Variants in MAPKAPK2 observed in about 807,000 individuals in gnomAD.
The protein encoded by MAPKAPK2 is MAP kinase-activated protein kinase 2.
MAPKAPK2 carries 9 observed loss-of-function variants against 48.8 expected under a neutral mutation model. That is an observed-to-expected ratio of 0.18 (90% CI 0.11 to 0.32). The LOEUF is 0.32. Among genes scored for constraint, MAPKAPK2 ranks in the 10% least tolerant of loss-of-function variants. MAPKAPK2 has a pLI of 1.00. For missense variants in MAPKAPK2, 331 were observed against 498.3 expected (o/e 0.66, Z 3.20); for synonymous variants, 202 against 190.6 (o/e 1.06, Z -0.49).
At chr1:206,730,609 G>A in intron 5 of MAPKAPK2, 79 bp from the exon 6 acceptor site, 1 of 1,244,776 alleles carries the variant, frequency 8.0e-7, no homozygotes, top group South Asian at 1.2e-5. Flanking sequence ...GTTGGGATGG[G>A]GAGCATCTTT....
At chr1:206,690,177 GT>G (rs1206263944) in intron 1 of MAPKAPK2, among the ~76,000 whole-genome samples, 1 of 152,228 alleles carries the variant, frequency 6.6e-6, no homozygotes, top group Non-Finnish European at 1.5e-5. Flanking sequence ...GTCAAAAAAG[GT>G]TAGGAATCAT....
rs1181406580 is a variant in MAPKAPK2 at position 206,685,666 on chromosome 1, GCGGGCGGCGGGT to G, written c.279+160_279+171del. Among the ~76,000 whole-genome samples, 5 of 147,218 alleles carry G rather than the reference GCGGGCGGCGGGT, an allele frequency of 3.4e-5. No individual in the cohort carries two copies. The East Asian group carries it at 1.0e-3, about 29-fold the overall frequency. ...CCGGGCCGGCGGTGCCGAGTGCGGC[GCGGGCGGCGGGT>G]CCCAGCGCCCTCGCCTCCCTGACCG... On this transcript the variant is annotated intron_variant, in intron 1 of 9. Coordinates refer to ENST00000367103, the MANE Select transcript of MAPKAPK2 (RefSeq NM_032960.4).
In MAPKAPK2 at chr1:206,729,043, G is replaced by A. The variant is rs1311181554; in HGVS notation, c.428G>A (p.Gly143Asp). 1 of 1,614,114 alleles carries A rather than the reference G, an allele frequency of 6.2e-7. No homozygotes were observed. Among genetic ancestry groups the A allele is most frequent in the Non-Finnish European group, 8.5e-7 (1 of 1,180,044 alleles). ...CTGTGGCTTCATTTCAGTTTGGACG[G>A]TGGAGAACTCTTTAGCCGAATCCAG... ...CLLIVMECLD[G>D]GELFSRIQDR... Residue 143 changes from glycine to aspartate, a missense_variant, in exon 3 of 10, where the codon GGT (glycine) becomes GAT (aspartate). By Grantham distance (94) the Gly-to-Asp change is moderately conservative. Around this residue, in one of 4 missense-constraint regions of MAPKAPK2, gnomAD observed 111 missense variants for 193.6 expected, o/e 0.57. Transcript: ENST00000367103.
Position 206,732,672 on chromosome 1 carries a change from G to A in MAPKAPK2, c.1157G>A (p.Arg386Lys). ...EDASNPLLLK[R>K]RKKARALEAA... The stretch of plus-strand genomic sequence containing the variant: ...GCATCCAACCCTCTGCTGCTGAAGA[G>A]GCGGAAGAAAGCTCGGGCCCTGGAG... Residue 386 changes from arginine to lysine, a missense_variant, in exon 10 of 10, where the codon AGG becomes AAG. Around this residue, in one of 4 missense-constraint regions of MAPKAPK2, gnomAD observed 124 missense variants for 194.6 expected, o/e 0.64. Coordinates refer to ENST00000367103, the MANE Select transcript of MAPKAPK2 (RefSeq NM_032960.4). The surrounding 1 kb of genome is among the most constrained non-coding windows in gnomAD (Gnocchi z 4.4). 1 of 1,614,242 alleles carries A rather than the reference G, an allele frequency of 6.2e-7. No individual in the cohort carries two copies. The highest frequency in any genetic ancestry group is 1.1e-5 in the South Asian group (1 of 91,084).
rs201738851 is a variant in MAPKAPK2 at position 206,720,025 on chromosome 1, TC to T, written c.280-8683del. Reference sequence around the variant, plus strand: ...CCAGTGTGTGGCACATGCTAGGCACTCCGGGGTTTCACTGAGTGATCCATTC... The same window carrying T: ...CCAGTGTGTGGCACATGCTAGGCACTCGGGGTTTCACTGAGTGATCCATTC... On this transcript the variant is annotated intron_variant, in intron 1 of 9. Transcript: ENST00000367103. 9.8e-3 allele frequency among the ~76,000 whole-genome samples: 1,500 copies of T among 152,342 alleles called. 20 individuals are homozygous for T. The highest frequency in any genetic ancestry group is 0.035 in the African/African-American group (1,454 of 41,576).
At position 206,732,399 on chromosome 1, in the gene MAPKAPK2, G is replaced by C; in HGVS notation, c.1060-176G>C. The stretch of plus-strand genomic sequence containing the variant: ...AGGCTCTCTGCTGCCCAGCGCTGGG[G>C]TGAGGCTGCCGTTGTCAGCGTGGAC... On this transcript the variant is annotated intron_variant, in intron 9 of 9. Coordinates refer to ENST00000367103, the MANE Select transcript of MAPKAPK2 (RefSeq NM_032960.4). This position sits in a 1 kb window ranked among gnomAD's most constrained non-coding sequence, Gnocchi z 4.4. The C allele has an allele frequency of 6.9e-7, 1 of 1,455,710 alleles. No individual in the cohort carries two copies. Among genetic ancestry groups the C allele is most frequent in the Non-Finnish European group, 9.1e-7 (1 of 1,103,502 alleles). 90.2% of individuals were successfully genotyped at this position (1,455,710 alleles called of 1,614,324 possible).
chr1:206,731,782 G>T lies in MAPKAPK2; in HGVS notation c.978+57G>T. The T allele has an allele frequency of 6.2e-7, 1 of 1,611,900 alleles. No homozygotes were observed. Among genetic ancestry groups the T allele is most frequent in the Non-Finnish European group, 8.5e-7 (1 of 1,177,976 alleles). ...TCACGGGACTATTCCACAGGACAGA[G>T]TCTTAGCCAGGACCCTACCCCAGGC... is the stretch of plus-strand genomic sequence containing the variant. On this transcript the variant is annotated intron_variant, in intron 8 of 9. Coordinates refer to ENST00000367103, the MANE Select transcript of MAPKAPK2 (RefSeq NM_032960.4). The surrounding 1 kb of genome is among the most constrained non-coding windows in gnomAD (Gnocchi z 5.9).
At chr1:206,695,927 G>A (rs1225785204) in intron 1 of MAPKAPK2, 3 of 655,726 alleles carry the variant, frequency 4.6e-6, no homozygotes, top group Non-Finnish European at 8.3e-6. Context: ...AGCGGGCAAG[G>A]GCCCTGAGGG....
At chr1:206,723,933 C>CT (rs1245099563) in intron 1 of MAPKAPK2, among the ~76,000 whole-genome samples, 9 of 152,248 alleles carry the variant, frequency 5.9e-5, no homozygotes, top group African/African-American at 1.9e-4. Flanking sequence ...GGCGTTGCAG[C>CT]TGAGCACACG....
intron 1 of MAPKAPK2, among the ~76,000 whole-genome samples, chr1:206,706,094 G>A (rs1166072788): frequency 1.3e-5 from 2 of 151,710 alleles, no homozygotes; most frequent in African/African-American, 4.8e-5. Context: ...AATTAAGGCG[G>A]GGTCAGGATT....
intron 1 of MAPKAPK2, among the ~76,000 whole-genome samples, chr1:206,717,596 GC>G (rs1193102645): frequency 6.6e-6 from 1 of 152,134 alleles, no homozygotes; most frequent in Admixed American, 6.5e-5. Flanking sequence ...AAGATGCCAG[GC>G]CTGGTCAAGT....
intron 1 of MAPKAPK2, among the ~76,000 whole-genome samples, chr1:206,694,737 A>G (rs1260498193): frequency 6.6e-6 from 1 of 152,220 alleles, no homozygotes; most frequent in South Asian, 2.1e-4. Context: ...CTAGGAATGC[A>G]GGTGACCTGA....
chr1:206,728,985 G>A (rs1673801111), intron 2 of MAPKAPK2, 50 bp from the exon 3 acceptor site: 1 of 1,611,562 alleles, frequency 6.2e-7, no homozygotes, highest in African/African-American at 1.3e-5. Flanking sequence ...GCAGTGGAGA[G>A]TGGCGGCGGG....
chr1:206,701,214 C>T (rs1572487194), intron 1 of MAPKAPK2, among the ~76,000 whole-genome samples: 1 of 152,082 alleles, frequency 6.6e-6, no homozygotes, highest in East Asian at 1.9e-4. Context: ...GCTGTGCTGG[C>T]CTCTGTGGTA....
chr1:206,728,978 G>A, intron 2 of MAPKAPK2, 57 bp from the exon 3 acceptor site: 1 of 1,611,152 alleles, frequency 6.2e-7, no homozygotes, highest in Non-Finnish European at 8.5e-7. Flanking sequence ...TTGGGGGGCA[G>A]TGGAGAGTGG....
At chr1:206,709,765 T>A (rs1321046189) in intron 1 of MAPKAPK2, among the ~76,000 whole-genome samples, 1 of 152,220 alleles carries the variant, frequency 6.6e-6, no homozygotes, top group Non-Finnish European at 1.5e-5. Flanking sequence ...ACTGTTGACC[T>A]TTTGGACCAG....
At chr1:206,705,915 C>T (rs1250427928) in intron 1 of MAPKAPK2, among the ~76,000 whole-genome samples, 1 of 152,148 alleles carries the variant, frequency 6.6e-6, no homozygotes, top group African/African-American at 2.4e-5. Flanking sequence ...TCGCTTGGAA[C>T]AAACCCAGGC....
chr1:206,713,759 A>G (rs535647241), intron 1 of MAPKAPK2, among the ~76,000 whole-genome samples: 1 of 152,300 alleles, frequency 6.6e-6, no homozygotes, highest in East Asian at 1.9e-4. Context: ...CCAGCTAGTC[A>G]GGTGCTTGAG....
At chr1:206,729,590 C>G in intron 4 of MAPKAPK2, 115 bp downstream of exon 4, 2 of 906,146 alleles carry the variant, frequency 2.2e-6, no homozygotes, top group South Asian at 1.4e-5. Context: ...GGTTCCTGAG[C>G]ATGCCATTCT....
Sources: gnomAD v4.1 joint callset for allele counts (sites outside exome capture counted in the v4.1 genomes callset) on GRCh38, gnomAD v4.1.1 for gene constraint, gnomAD v4.1.1 regional missense constraint, Gnocchi (gnomAD v3.1) non-coding constraint, MANE v1.5 for transcripts, NCBI Gene and HGNC (gene_info 2026-07-23, HGNC 2026-07-21) for gene names.